ATP2C2: variants seen among roughly 807,000 people sequenced by gnomAD.
ATP2C2 encodes calcium-transporting ATPase type 2C member 2.
Under a neutral mutation model 110.8 loss-of-function variants are expected in ATP2C2, and 171 were observed. The ratio of observed to expected loss-of-function variants is 1.54; its 90% CI spans 1.36 to 1.75. The LOEUF (loss-of-function observed/expected upper bound fraction) is 1.75. ATP2C2 is among the 40% of genes most tolerant of loss of function. ATP2C2 has a pLI of 0.00. For missense variants in ATP2C2, 1,963 were observed against 1,235.0 expected (o/e 1.59, Z -8.84); for synonymous variants, 804 against 508.4 (o/e 1.58, Z -7.82).
intron 1 of ATP2C2, among the ~76,000 whole-genome samples, chr16:84,378,896 C>G (rs913671460): frequency 6.6e-6 from 1 of 152,132 alleles, no homozygotes; most frequent in Non-Finnish European, 1.5e-5. Flanking sequence ...CCAGCAAGCT[C>G]TTGCTGTTTG....
intron 6 of ATP2C2, among the ~76,000 whole-genome samples, chr16:84,411,128 A>G (rs962283798): frequency 2.6e-5 from 4 of 152,100 alleles, no homozygotes; most frequent in African/African-American, 9.7e-5. Context: ...TTGAATTCTC[A>G]ATGAATGGTC....
In ATP2C2 at chr16:84,397,655, C is replaced by CA. The variant is rs58934576; in HGVS notation, c.100-826dup. Among the ~76,000 whole-genome samples, 123 of 63,504 alleles carry CA rather than the reference C, an allele frequency of 1.9e-3. 12 individuals are homozygous for CA. Among genetic ancestry groups the CA allele is most frequent in the African/African-American group, 5.1e-3 (115 of 22,720 alleles). 41.7% of individuals were successfully genotyped at this position (63,504 alleles called of 152,430 possible). On this transcript the variant is annotated intron_variant, in intron 1 of 26. Transcript: ENST00000262429. Reference sequence around the variant, plus strand: ...CACCACTGCACTCCAGCCTGGGTGACAAAAAAAAAAAAAAAAAACTTGCTT... The same window carrying CA: ...CACCACTGCACTCCAGCCTGGGTGACAAAAAAAAAAAAAAAAAAACTTGCTT...
rs62050917 is a variant in ATP2C2 at position 84,460,709 on chromosome 16, C to G, written c.2389C>G (p.Arg797Gly). 2.5e-6 allele frequency: 4 copies of G among 1,614,200 alleles called. No individual in the cohort carries two copies. The highest frequency in any genetic ancestry group is 3.4e-6 in the Non-Finnish European group (4 of 1,180,026). ...DAFRQPPRSV[R>G]DTILSRALIL... is the part of the protein sequence containing the mutation. ...CTTCAGGCAGCCACCACGGAGTGTGCGGGACACCATCCTCAGCAGAGCCCT... is the reference window on the plus strand; with the variant it reads ...CTTCAGGCAGCCACCACGGAGTGTGGGGGACACCATCCTCAGCAGAGCCCT... Residue 797 changes from arginine to glycine, a missense_variant, in exon 24 of 27, where the codon CGG becomes GGG. Physicochemically the swap from Arg to Gly is moderately radical, Grantham distance 125 (BLOSUM62 -2). Transcript: ENST00000262429.
chr16:84,445,153 C>G (rs1489054602), intron 15 of ATP2C2, among the ~76,000 whole-genome samples: 2 of 152,036 alleles, frequency 1.3e-5, no homozygotes, highest in Non-Finnish European at 2.9e-5. Context: ...TCTCTCACAC[C>G]AAGCTCTGTC....
At chr16:84,409,893 T>C (rs185027759) in intron 4 of ATP2C2, among the ~76,000 whole-genome samples, 69 of 152,292 alleles carry the variant, frequency 4.5e-4, no homozygotes, top group Admixed American at 4.5e-3. Flanking sequence ...TTCCACACGA[T>C]GGAATTTCCT....
intron 15 of ATP2C2, among the ~76,000 whole-genome samples, chr16:84,445,254 GC>G (rs1247835054): frequency 6.6e-6 from 1 of 151,396 alleles, no homozygotes; most frequent in Non-Finnish European, 1.5e-5. Flanking sequence ...TGTTGCCCAG[GC>G]TGGAGTGCAC....
chr16:84,428,439 G>A (rs1033770919), intron 11 of ATP2C2, among the ~76,000 whole-genome samples: 3 of 152,166 alleles, frequency 2.0e-5, no homozygotes, highest in Non-Finnish European at 4.4e-5. Context: ...TTCAATAACT[G>A]TTTTTTGAGT....
At chr16:84,388,222 G>T (rs903357777) in intron 1 of ATP2C2, among the ~76,000 whole-genome samples, 5 of 152,130 alleles carry the variant, frequency 3.3e-5, no homozygotes, top group Admixed American at 3.3e-4. Context: ...CTACTCGGGA[G>T]ACTGAGGCAA....
At chr16:84,373,147 A>G (rs1175689453) in intron 1 of ATP2C2, among the ~76,000 whole-genome samples, 2 of 150,472 alleles carry the variant, frequency 1.3e-5, no homozygotes, top group East Asian at 2.0e-4. Context: ...TCAAATTTAT[A>G]ATAAAATTAT....
At chr16:84,448,834 A>T in intron 17 of ATP2C2, 145 bp downstream of exon 17, 1 of 1,134,578 alleles carries the variant, frequency 8.8e-7, no homozygotes. Flanking sequence ...TGTGCTTGGA[A>T]CCTGATGGTC....
chr16:84,439,645 A>T, intron 13 of ATP2C2, 121 bp downstream of exon 13: 1 of 941,306 alleles, frequency 1.1e-6, no homozygotes, highest in Non-Finnish European at 1.7e-6. Flanking sequence ...GGGTCATCTT[A>T]TAATCTCCTT....
At position 84,368,651 on chromosome 16, in the gene ATP2C2, A is replaced by G; in HGVS notation, c.36A>G (p.Lys12=). The part of the protein sequence containing the change: ...VEGRVSEFLK[K]LGFSGGGRQY... Reference sequence around the variant, plus strand: ...GACGCGTCTCCGAGTTCCTGAAGAAACTCGGCTTCTCGGGCGGGGGCCGCC... The same window carrying G: ...GACGCGTCTCCGAGTTCCTGAAGAAGCTCGGCTTCTCGGGCGGGGGCCGCC... Residue 12 remains lysine, a synonymous_variant, in exon 1 of 27, where the codon AAA becomes AAG. Coordinates refer to ENST00000262429, the MANE Select transcript of ATP2C2 (RefSeq NM_014861.4). 6.4e-7 allele frequency: 1 copy of G among 1,563,612 alleles called. No individual in the cohort carries two copies. The highest frequency in any genetic ancestry group is 8.6e-7 in the Non-Finnish European group (1 of 1,156,444).
At chr16:84,455,750 A>AG (rs951664684) in intron 21 of ATP2C2, among the ~76,000 whole-genome samples, 8 of 97,648 alleles carry the variant, frequency 8.2e-5, no homozygotes, top group Admixed American at 1.1e-4. Flanking sequence ...TAACACACTT[A>AG]GAAAAAAAAA....
At position 84,463,499 on chromosome 16, in the gene ATP2C2, G is replaced by C. The variant is rs912393496; in HGVS notation, c.2723-115G>C. The C allele has an allele frequency of 4.7e-6, 4 of 846,062 alleles. No individual in the cohort carries two copies. The African/African-American group carries it at 5.0e-5, about 11-fold the overall frequency. The allele number at this position is 846,062 out of a possible 1,614,324, so 52.4% of individuals were successfully genotyped here. A position where few individuals can be genotyped will look rare whatever the true frequency, so the allele number is the denominator to read the frequency against. On this transcript the variant is annotated intron_variant, in intron 26 of 26. Coordinates refer to ENST00000262429, the MANE Select transcript of ATP2C2 (RefSeq NM_014861.4). Reference sequence around the variant, plus strand: ...CTCCCTGCCTTCAGGGGAATGAAAAGGGCTGGTCCTCCGCACCTCTCACTT... The same window carrying C: ...CTCCCTGCCTTCAGGGGAATGAAAACGGCTGGTCCTCCGCACCTCTCACTT...
intron 1 of ATP2C2, among the ~76,000 whole-genome samples, chr16:84,373,792 T>C (rs992731622): frequency 1.3e-5 from 2 of 152,224 alleles, no homozygotes; most frequent in Non-Finnish European, 2.9e-5. Context: ...GCTCACTACT[T>C]ATCTAGTTTT....
chr16:84,453,076 C>T, intron 18 of ATP2C2, 62 bp from the exon 19 acceptor site: 7 of 1,511,322 alleles, frequency 4.6e-6, no homozygotes, highest in Non-Finnish European at 4.5e-6. Context: ...CGAGGTGGGG[C>T]CGGGAGTGAG....
Position 84,454,856 on chromosome 16 carries a change from G to T in ATP2C2, c.2019G>T (p.Gly673=). 1 of 1,613,576 alleles carries T rather than the reference G, an allele frequency of 6.2e-7. No individual in the cohort carries two copies. Among genetic ancestry groups the T allele is most frequent in the African/African-American group, 1.3e-5 (1 of 75,034 alleles). The change falls in exon 21 of 27, where the codon GGG becomes GGT. Residue 673 remains glycine (G), a synonymous_variant. Coordinates refer to ENST00000262429, the MANE Select transcript of ATP2C2 (RefSeq NM_014861.4). ...QESGAIVAMT[G]DGVNDAVALK... ...CAGGGGCGATCGTGGCCATGACTGG[G>T]GATGGGGTGAACGACGCAGTGGCCC... is the stretch of plus-strand genomic sequence containing the variant.
At chr16:84,438,800 A>T (rs1276904856) in intron 11 of ATP2C2, among the ~76,000 whole-genome samples, 1 of 152,162 alleles carries the variant, frequency 6.6e-6, no homozygotes, top group Non-Finnish European at 1.5e-5. Flanking sequence ...TCTTAATCCC[A>T]CTTACTGTCT....
chr16:84,412,248 T>C lies in ATP2C2; in HGVS notation c.515+1483T>C, dbSNP rs552704660. The stretch of plus-strand genomic sequence containing the variant: ...TTGCATTTTTATTTTTTAAACCTGA[T>C]TGTGTATGTGTGTGTATGTATGTGT... On this transcript the variant is annotated intron_variant, in intron 6 of 26. Transcript: ENST00000262429. 1.2e-3 allele frequency among the ~76,000 whole-genome samples: 183 copies of C among 150,112 alleles called. 5 individuals are homozygous for C. Among genetic ancestry groups the C allele is most frequent in the Admixed American group, 9.2e-3 (136 of 14,852 alleles).
Sources: allele counts gnomAD v4.1 joint callset (sites outside exome capture counted in the v4.1 genomes callset), GRCh38; gene constraint gnomAD v4.1.1; transcripts MANE v1.5; gene names NCBI Gene and HGNC (gene_info 2026-07-23, HGNC 2026-07-21).